The following ANO6 variants were observed in gnomAD, a reference collection of about 807,000 sequenced individuals.
ANO6 encodes anoctamin 6, also known as anoctamin-6.
A neutral mutation model predicts 117.5 loss-of-function variants in ANO6; 106 were observed. The observed-to-expected ratio is 0.90, with a 90% CI of 0.77 to 1.06. The LOEUF is 1.06. Ranked by LOEUF, ANO6 falls within the 50% of genes least tolerant of loss-of-function variation. The pLI, the probability that ANO6 is intolerant of heterozygous loss-of-function variation, is 0.00. For synonymous variants in ANO6, 367 were observed against 385.1 expected (o/e 0.95, Z 0.55); for missense variants, 955 against 1,121.1 (o/e 0.85, Z 2.12).
At chr12:45,326,870 T>A (rs1478722007) in intron 2 of ANO6, among the ~76,000 whole-genome samples, 3 of 152,176 alleles carry the variant, frequency 2.0e-5, no homozygotes, top group Non-Finnish European at 4.4e-5. Flanking sequence ...GCAAGCACCA[T>A]CCAGGGATGC....
chr12:45,351,845 T>A (rs1432990535), intron 7 of ANO6, among the ~76,000 whole-genome samples: 3 of 149,398 alleles, frequency 2.0e-5, no homozygotes, highest in Non-Finnish European at 4.4e-5. Flanking sequence ...GTTGTAATAT[T>A]TTAAATGTTT....
chr12:45,376,732 T>C (rs1191996626), intron 9 of ANO6, among the ~76,000 whole-genome samples: 1 of 149,142 alleles, frequency 6.7e-6, no homozygotes, highest in Non-Finnish European at 1.5e-5. Flanking sequence ...GGGATAGCAT[T>C]GGGAGGTATA....
At chr12:45,297,399 G>A (rs1260241717) in intron 1 of ANO6, among the ~76,000 whole-genome samples, 2 of 152,192 alleles carry the variant, frequency 1.3e-5, no homozygotes, top group Non-Finnish European at 2.9e-5. Context: ...ATAATAGATT[G>A]TCTGAGTTAT....
At chr12:45,317,113 G>GTGTGTGTATA in intron 2 of ANO6, among the ~76,000 whole-genome samples, 2,435 of 66,466 alleles carry the variant, frequency 0.037, 465 homozygotes, top group African/African-American at 0.086. Context: ...CTTTTTATAT[G>GTGTGTGTATA]TATATATATA....
At chr12:45,362,337 G>A (rs1941577175) in intron 8 of ANO6, among the ~76,000 whole-genome samples, 1 of 151,860 alleles carries the variant, frequency 6.6e-6, no homozygotes, top group Non-Finnish European at 1.5e-5. Flanking sequence ...TAACAGTAAT[G>A]TTTCCCTTTT....
At chr12:45,393,873 A>T (rs993962847) in intron 12 of ANO6, among the ~76,000 whole-genome samples, 4 of 152,236 alleles carry the variant, frequency 2.6e-5, no homozygotes, top group Non-Finnish European at 5.9e-5. Context: ...AACAACCGGT[A>T]CCAGCCCCAG....
chr12:45,353,469 A>AC (rs980287420), intron 7 of ANO6, among the ~76,000 whole-genome samples: 1 of 151,736 alleles, frequency 6.6e-6, no homozygotes, highest in Non-Finnish European at 1.5e-5. Flanking sequence ...GTGCTCTTTT[A>AC]TTTTTTTTGC....
intron 1 of ANO6, among the ~76,000 whole-genome samples, chr12:45,237,848 A>G (rs1293617933): frequency 6.6e-6 from 1 of 152,062 alleles, no homozygotes; most frequent in East Asian, 1.9e-4. Flanking sequence ...GATTCTTCCT[A>G]CCCATGAGCA....
chr12:45,400,116 A>G (rs1403972528), intron 12 of ANO6, among the ~76,000 whole-genome samples: 1 of 152,182 alleles, frequency 6.6e-6, no homozygotes, highest in Non-Finnish European at 1.5e-5. Flanking sequence ...AATCTTGGAC[A>G]TATTGCTTAA....
At chr12:45,252,217 CA>C (rs1937645448) in intron 1 of ANO6, among the ~76,000 whole-genome samples, 1 of 152,108 alleles carries the variant, frequency 6.6e-6, no homozygotes, top group Non-Finnish European at 1.5e-5. Flanking sequence ...ATCACACACA[CA>C]AAAAAATTTA....
chr12:45,321,273 T>C (rs1940261173), intron 2 of ANO6, among the ~76,000 whole-genome samples: 1 of 152,178 alleles, frequency 6.6e-6, no homozygotes, highest in Non-Finnish European at 1.5e-5. Flanking sequence ...CAACAAGTGG[T>C]AGTTTATAAA....
At chr12:45,248,473 G>A (rs537559954) in intron 1 of ANO6, among the ~76,000 whole-genome samples, 1 of 137,090 alleles carries the variant, frequency 7.3e-6, no homozygotes, top group Non-Finnish European at 1.5e-5. Context: ...GCTCTCTGTC[G>A]CCCAGGCTGG....
intron 16 of ANO6, among the ~76,000 whole-genome samples, chr12:45,414,655 A>G (rs1943169133): frequency 6.6e-6 from 1 of 152,216 alleles, no homozygotes; most frequent in Non-Finnish European, 1.5e-5. Flanking sequence ...TCCCAGAGCT[A>G]TCCCATTTTA....
downstream of ANO6, among the ~76,000 whole-genome samples, chr12:45,436,608 AAC>A (rs1377267747): frequency 6.6e-6 from 1 of 152,216 alleles, no homozygotes; most frequent in South Asian, 2.1e-4. Context: ...TATTAAAACA[AAC>A]ACAGATATAT....
At chr12:45,371,940 G>T (rs1336085565) in intron 9 of ANO6, among the ~76,000 whole-genome samples, 4 of 151,812 alleles carry the variant, frequency 2.6e-5, no homozygotes, top group South Asian at 4.2e-4. Flanking sequence ...TCAAACCAAA[G>T]GCAAAGAAGT....
intron 2 of ANO6, among the ~76,000 whole-genome samples, chr12:45,316,980 TATTA>T (rs1365350184): frequency 2.0e-5 from 3 of 149,488 alleles, no homozygotes; most frequent in Admixed American, 6.7e-5. Flanking sequence ...AAAAAATATG[TATTA>T]ATTCATGTAA....
intron 1 of ANO6, among the ~76,000 whole-genome samples, chr12:45,245,878 T>A (rs974772550): frequency 1.3e-5 from 2 of 151,940 alleles, no homozygotes; most frequent in African/African-American, 4.8e-5. Flanking sequence ...ATAGAATGAA[T>A]CTGTTAATTG....
At chr12:45,218,253 T>C (rs1051903201) in intron 1 of ANO6, among the ~76,000 whole-genome samples, 11 of 152,198 alleles carry the variant, frequency 7.2e-5, no homozygotes, top group Admixed American at 1.3e-4. Context: ...AGGGGTCATC[T>C]CAACATATTT....
chr12:45,348,172 T>C lies in ANO6; in HGVS notation c.490T>C (p.Phe164Leu). 6.2e-7 allele frequency: 1 copy of C among 1,614,066 alleles called. No individual in the cohort carries two copies. Among genetic ancestry groups the C allele is most frequent in the Non-Finnish European group, 8.5e-7 (1 of 1,179,990 alleles). Residue 164 changes from phenylalanine to leucine, a missense_variant, in exon 5 of 20, where the codon TTT (phenylalanine) becomes CTT (leucine). Physicochemically the swap from Phe to Leu is conservative, Grantham distance 22 (BLOSUM62 0). Transcript: ENST00000320560. ...RSSAFGTLNW[F>L]TKVLSVDESI... ...CTCAGCCTTTGGTACACTCAACTGGTTTACCAAAGTCCTCAGTGTAGACGA... is the reference window on the plus strand; with the variant it reads ...CTCAGCCTTTGGTACACTCAACTGGCTTACCAAAGTCCTCAGTGTAGACGA...
Sources: allele counts gnomAD v4.1 joint callset (sites outside exome capture counted in the v4.1 genomes callset), GRCh38; gene constraint gnomAD v4.1.1; transcripts MANE v1.5; gene names NCBI Gene and HGNC (gene_info 2026-07-23, HGNC 2026-07-21).